The following EXOC6 variants were observed in gnomAD, a reference collection of about 807,000 sequenced individuals.
The protein encoded by EXOC6 is exocyst complex component 6.
A neutral mutation model predicts 112.5 loss-of-function variants in EXOC6; 60 were observed. The observed-to-expected ratio is 0.53, with a 90% CI of 0.43 to 0.66. The LOEUF (loss-of-function observed/expected upper bound fraction) is 0.66, where lower values mean the gene tolerates loss of function less well. Among genes scored for constraint, EXOC6 ranks in the 30% least tolerant of loss-of-function variants. The probability of loss-of-function intolerance (pLI) is 0.00; values close to 1 mark genes in which losing one functional copy is unlikely to be tolerated. For missense variants in EXOC6, 855 were observed against 957.1 expected (o/e 0.89, Z 1.41); for synonymous variants, 295 against 308.0 (o/e 0.96, Z 0.44).
chr10:92,850,402 A>G (rs1265350634), intron 1 of EXOC6, among the ~76,000 whole-genome samples: 2 of 152,196 alleles, frequency 1.3e-5, no homozygotes, highest in African/African-American at 4.8e-5. Context: ...CTTATCCCAT[A>G]TATATGTATA....
intron 13 of EXOC6, among the ~76,000 whole-genome samples, chr10:92,946,735 C>A (rs1049406148): frequency 6.6e-6 from 1 of 152,222 alleles, no homozygotes; most frequent in Non-Finnish European, 1.5e-5. Context: ...CACACACTAA[C>A]GCTCACTCCT....
intron 12 of EXOC6, 64 bp from the exon 13 acceptor site, chr10:92,940,663 C>T: frequency 1.8e-6 from 2 of 1,081,442 alleles, no homozygotes; most frequent in Non-Finnish European, 1.3e-6. Flanking sequence ...CTAGTATTCC[C>T]AACATTTTTA....
At chr10:92,948,619 A>ACTG (rs1332206208) in intron 14 of EXOC6, among the ~76,000 whole-genome samples, 4 of 150,168 alleles carry the variant, frequency 2.7e-5, no homozygotes, top group Non-Finnish European at 5.9e-5. Flanking sequence ...TACTACTACT[A>ACTG]CTGAGATTTC....
intron 1 of EXOC6, among the ~76,000 whole-genome samples, chr10:92,860,265 CTTTTT>C (rs35900396): frequency 3.4e-5 from 3 of 88,020 alleles, no homozygotes; most frequent in East Asian, 3.6e-4. Flanking sequence ...ATCTCCACAA[CTTTTT>C]TTTTTTTTTT....
chr10:92,951,134 G>T (rs1853382463), intron 14 of EXOC6, among the ~76,000 whole-genome samples: 2 of 152,278 alleles, frequency 1.3e-5, no homozygotes, highest in Admixed American at 1.3e-4. Flanking sequence ...GATCTATTGA[G>T]TAACTCATCT....
intron 1 of EXOC6, among the ~76,000 whole-genome samples, chr10:92,827,164 C>T (rs577866857): frequency 7.9e-5 from 12 of 151,952 alleles, no homozygotes; most frequent in African/African-American, 2.7e-4. Flanking sequence ...CCATGGCCCA[C>T]ACAGTATTTT....
chr10:92,961,407 T>C (rs527481284), intron 17 of EXOC6, among the ~76,000 whole-genome samples: 1 of 152,288 alleles, frequency 6.6e-6, no homozygotes, highest in African/African-American at 2.4e-5. Flanking sequence ...TATAAAGCAG[T>C]TTTATGCTTA....
intron 1 of EXOC6, among the ~76,000 whole-genome samples, chr10:92,888,820 G>A (rs754208024): frequency 2.0e-5 from 3 of 152,156 alleles, no homozygotes; most frequent in Non-Finnish European, 2.9e-5. Context: ...ATTTTCCTTA[G>A]AAATAATGTT....
chr10:92,895,688 TTTTA>T (rs1849711979), intron 4 of EXOC6, among the ~76,000 whole-genome samples: 1 of 151,646 alleles, frequency 6.6e-6, no homozygotes, highest in Admixed American at 6.6e-5. Context: ...CTTTTTTTCT[TTTTA>T]TTTATTTTAA....
chr10:92,904,871 A>G (rs1850358959), intron 5 of EXOC6, among the ~76,000 whole-genome samples: 1 of 151,988 alleles, frequency 6.6e-6, no homozygotes, highest in South Asian at 2.1e-4. Flanking sequence ...TAATTGCCAA[A>G]CCCAAGGTCA....
At chr10:92,891,829 T>G (rs1849518012) in intron 1 of EXOC6, among the ~76,000 whole-genome samples, 2 of 152,204 alleles carry the variant, frequency 1.3e-5, no homozygotes. Context: ...TGTTACCTCT[T>G]GTATTAGAGA....
In EXOC6 at chr10:92,952,308, A is replaced by G; in HGVS notation, c.1452A>G (p.Ser484=). 6 of 1,612,462 alleles carry G rather than the reference A, an allele frequency of 3.7e-6. No homozygotes were observed. Among genetic ancestry groups the G allele is most frequent in the Non-Finnish European group, 5.1e-6 (6 of 1,178,934 alleles). The change falls in exon 15 of 22, where the codon TCA becomes TCG. Residue 484 remains serine, a synonymous_variant. Transcript: ENST00000260762. The stretch of plus-strand genomic sequence containing the variant: ...CAAAGAAATTCCCCATGTCTCAGTC[A>G]GTGCCTCATATTTACATTCAAGTTA... ...SFPKKFPMSQ[S]VPHIYIQVKE...
intron 1 of EXOC6, among the ~76,000 whole-genome samples, chr10:92,835,102 T>C (rs1289298259): frequency 6.6e-6 from 1 of 152,192 alleles, no homozygotes; most frequent in African/African-American, 2.4e-5. Context: ...TAAATTTATA[T>C]GAGGTTTCAA....
At chr10:93,014,170 C>CT (rs147232343) in intron 19 of EXOC6, 24 bp from the exon 20 acceptor site, 132,151 of 1,547,878 alleles carry the variant, frequency 0.085, 5,016 homozygotes, top group Admixed American at 0.19. Flanking sequence ...CATTTTTATT[C>CT]TTTTTTTTTC....
At chr10:92,988,955 C>T (rs1303552485) in intron 18 of EXOC6, among the ~76,000 whole-genome samples, 1 of 152,198 alleles carries the variant, frequency 6.6e-6, no homozygotes, top group Non-Finnish European at 1.5e-5. Flanking sequence ...TCCTGGATCT[C>T]TTCCCAAAGA....
At chr10:92,831,269 G>A (rs1025481961), upstream of EXOC6, 1 of 1,257,110 alleles carries the variant, frequency 8.0e-7, no homozygotes, top group Non-Finnish European at 1.0e-6. Context: ...GGGCCACCAG[G>A]ACAGAAGACC....
At chr10:92,874,068 GAAAGAAA>G (rs1394832151) in intron 1 of EXOC6, among the ~76,000 whole-genome samples, 1 of 149,818 alleles carries the variant, frequency 6.7e-6, no homozygotes, top group Admixed American at 6.7e-5. Flanking sequence ...AAAAAAAAAA[GAAAGAAA>G]AAAGGAAAAA....
At position 92,909,518 on chromosome 10, in the gene EXOC6, A is replaced by T; in HGVS notation, c.550A>T (p.Asn184Tyr). 1 of 1,613,486 alleles carries T rather than the reference A, an allele frequency of 6.2e-7. No homozygotes were observed. Among genetic ancestry groups the T allele is most frequent in the Non-Finnish European group, 8.5e-7 (1 of 1,179,566 alleles). The change falls in exon 6 of 22, where the codon AAT (asparagine) becomes TAT (tyrosine). Residue 184 changes from asparagine (N) to tyrosine (Y), a missense_variant. By Grantham distance (143) the Asn-to-Tyr change is moderately radical. Around this residue, in one of 2 missense-constraint regions of EXOC6, gnomAD observed 405 missense variants for 393.6 expected, o/e 1.03. Coordinates refer to ENST00000260762, the MANE Select transcript of EXOC6 (RefSeq NM_019053.6). The part of the protein sequence containing the change: ...QYRFCQLMIE[N>Y]LPKLREDIKE... ...CCGGTTTTGTCAGCTCATGATAGAA[A>T]ATCTTCCCAAACTCCGTGAGGATAT...
upstream of EXOC6, among the ~76,000 whole-genome samples, chr10:92,848,042 A>G (rs1041947808): frequency 9.9e-5 from 15 of 151,832 alleles, no homozygotes; most frequent in Non-Finnish European, 1.5e-5. Context: ...TATCACATGC[A>G]ATTTTGCTTT....
Sources: gnomAD v4.1 joint callset for allele counts (sites outside exome capture counted in the v4.1 genomes callset) on GRCh38, gnomAD v4.1.1 for gene constraint, gnomAD v4.1.1 regional missense constraint, MANE v1.5 for transcripts, NCBI Gene and HGNC (gene_info 2026-07-23, HGNC 2026-07-21) for gene names.